Variants in SOX10 observed in about 807,000 individuals in gnomAD.
The protein encoded by SOX10 is transcription factor SOX-10.
A neutral mutation model predicts 35.0 loss-of-function variants in SOX10; 3 were observed. That is an observed-to-expected ratio of 0.09 (90% CI 0.04 to 0.22). SOX10 has a LOEUF of 0.22. Among genes scored for constraint, SOX10 ranks in the 10% least tolerant of loss-of-function variants. The pLI is 1.00. For synonymous variants in SOX10, 285 were observed against 291.0 expected (o/e 0.98, Z 0.21); for missense variants, 436 against 655.1 (o/e 0.67, Z 3.65).
Position 37,980,478 on chromosome 22 carries a change from C to T in SOX10, c.429-2343G>A, listed in dbSNP as rs1285468237. 6.6e-6 allele frequency among the ~76,000 whole-genome samples: 1 copy of T among 152,148 alleles called. No homozygotes were observed. Among genetic ancestry groups the T allele is most frequent in the Non-Finnish European group, 1.5e-5 (1 of 68,008 alleles). On this transcript the variant is annotated intron_variant, in intron 2 of 3. Transcript: ENST00000396884. The surrounding 1 kb of genome is among the most constrained non-coding windows in gnomAD (Gnocchi z 4.1). Reference sequence around the variant, plus strand: ...CTCCTAAGCTAGTTCCCAGCATTAGCCTAACCCTGACAGAAATCTAAGCCT... The same window carrying T: ...CTCCTAAGCTAGTTCCCAGCATTAGTCTAACCCTGACAGAAATCTAAGCCT...
At chr22:37,977,413 TG>T (rs1480426460) in intron 3 of SOX10, among the ~76,000 whole-genome samples, 2 of 150,504 alleles carry the variant, frequency 1.3e-5, no homozygotes, top group East Asian at 4.1e-4. Context: ...CTCCGCCTCC[TG>T]GGTTCACGCC....
At position 37,972,317 on chromosome 22, in the gene SOX10, G is replaced by A. The variant is rs189772048; in HGVS notation, c.*1178C>T. The A allele has an allele frequency of 4.6e-5, 50 of 1,098,758 alleles. No homozygotes were observed. Among genetic ancestry groups the A allele is most frequent in the East Asian group, 1.8e-4 (3 of 17,046 alleles). 68.1% of individuals were successfully genotyped at this position (1,098,758 alleles called of 1,614,324 possible). On this transcript the variant is annotated 3_prime_UTR_variant, in exon 4 of 4. Transcript: ENST00000396884. ...GGTCAGGCTCACCAAGCAGGTAACC[G>A]GAACCTTTAATTTTATTATGTGGAA...
Position 37,984,069 on chromosome 22 carries a change from T to C in SOX10, c.-84-201A>G. 1 of 258,326 alleles carries C rather than the reference T, an allele frequency of 3.9e-6. No individual in the cohort carries two copies. The highest frequency in any genetic ancestry group is 7.7e-5 in the East Asian group (1 of 13,058). The allele number at this position is 258,326 out of a possible 1,614,324, so 16.0% of individuals were successfully genotyped here. On this transcript the variant is annotated intron_variant, in intron 1 of 3. Transcript: ENST00000396884. This position sits in a 1 kb window ranked among gnomAD's most constrained non-coding sequence, Gnocchi z 4.4. ...TTCCCACCACCTGGTCCCAACCGTCTCTTGGTGTGGGTGGCTTTTTTTTTA... is the reference window on the plus strand; with the variant it reads ...TTCCCACCACCTGGTCCCAACCGTCCCTTGGTGTGGGTGGCTTTTTTTTTA...
At position 37,978,496 on chromosome 22, in the gene SOX10, C is replaced by T. The variant is rs576987630; in HGVS notation, c.429-361G>A. Reference sequence around the variant, plus strand: ...AAAACTTTCTCATCATCAAAGCTGTCTGCAAGTGGAATTGGCTACTTCAGT... The same window carrying T: ...AAAACTTTCTCATCATCAAAGCTGTTTGCAAGTGGAATTGGCTACTTCAGT... On this transcript the variant is annotated intron_variant, in intron 2 of 3. Coordinates refer to ENST00000396884, the MANE Select transcript of SOX10 (RefSeq NM_006941.4). The surrounding 1 kb of genome is among the most constrained non-coding windows in gnomAD (Gnocchi z 5.0). Among the ~76,000 whole-genome samples, 2 of 152,350 alleles carry T rather than the reference C, an allele frequency of 1.3e-5. No individual in the cohort carries two copies. Among genetic ancestry groups the T allele is most frequent in the South Asian group, 4.1e-4 (2 of 4,834 alleles).
At chr22:37,979,137 G>T (rs183501505) in intron 2 of SOX10, among the ~76,000 whole-genome samples, 47 of 151,528 alleles carry the variant, frequency 3.1e-4, no homozygotes, top group Middle Eastern at 6.8e-3. Flanking sequence ...TCACTCTGTC[G>T]CCCAGGCTGG....
In SOX10 at chr22:37,978,372, G is replaced by A. The variant is rs190019323; in HGVS notation, c.429-237C>T. 3.0e-4 allele frequency among the ~76,000 whole-genome samples: 46 copies of A among 152,378 alleles called. No individual in the cohort carries two copies. The highest frequency in any genetic ancestry group is 1.1e-3 in the African/African-American group (45 of 41,592). ...CCCCAAATCTTTCATGGGCTGGAGG[G>A]TGAGAGAGGGGTCAGCCCGCTGCTC... On this transcript the variant is annotated intron_variant, in intron 2 of 3. Transcript: ENST00000396884. This position sits in a 1 kb window ranked among gnomAD's most constrained non-coding sequence, Gnocchi z 5.0.
chr22:37,979,358 A>G (rs968877476), intron 2 of SOX10, among the ~76,000 whole-genome samples: 2 of 152,120 alleles, frequency 1.3e-5, no homozygotes, highest in African/African-American at 4.8e-5. Context: ...TTGGCCTCCC[A>G]AAGTGCTGAG....
rs546703925 is a variant in SOX10, at chr22:37,974,883, G to C, written c.698-685C>G. Among the ~76,000 whole-genome samples the C allele has an allele frequency of 1.2e-4, 18 of 152,190 alleles. No individual in the cohort carries two copies. Among genetic ancestry groups the C allele is most frequent in the African/African-American group, 3.6e-4 (15 of 41,508 alleles). On this transcript the variant is annotated intron_variant, in intron 3 of 3. Coordinates refer to ENST00000396884, the MANE Select transcript of SOX10 (RefSeq NM_006941.4). This position sits in a 1 kb window ranked among gnomAD's most constrained non-coding sequence, Gnocchi z 5.4. Reference sequence around the variant, plus strand: ...CTGTCTTCCTTGCTGAGCCTCGCTCGCCCAGGCTCCTGAGTGCTCTGTTTC... The same window carrying C: ...CTGTCTTCCTTGCTGAGCCTCGCTCCCCCAGGCTCCTGAGTGCTCTGTTTC...
In SOX10 at chr22:37,977,916, G is replaced by A. The variant is rs571227999; in HGVS notation, c.648C>T (p.His216=). The A allele has an allele frequency of 1.9e-6, 3 of 1,613,088 alleles. No homozygotes were observed. The highest frequency in any genetic ancestry group is 2.5e-6 in the Non-Finnish European group (3 of 1,179,862). ...CTGACATGGGGGAGCCCTCTCCTGG[G>A]TGCCGGTGGTCCAAGTGGGCGCTCT... ...HYKSAHLDHR[H]PGEGSPMSDG... is the part of the protein sequence containing the mutation. The change falls in exon 3 of 4, where the codon CAC becomes CAT. Residue 216 remains histidine, a synonymous_variant. Transcript: ENST00000396884.
Position 37,980,469 on chromosome 22 carries a change from C to T in SOX10, c.429-2334G>A, listed in dbSNP as rs1932363800. Among the ~76,000 whole-genome samples the T allele has an allele frequency of 6.6e-6, 1 of 152,160 alleles. No homozygotes were observed. Among genetic ancestry groups the T allele is most frequent in the South Asian group, 2.1e-4 (1 of 4,832 alleles). Reference sequence around the variant, plus strand: ...CGCTGCTACCTCCTAAGCTAGTTCCCAGCATTAGCCTAACCCTGACAGAAA... The same window carrying T: ...CGCTGCTACCTCCTAAGCTAGTTCCTAGCATTAGCCTAACCCTGACAGAAA... On this transcript the variant is annotated intron_variant, in intron 2 of 3. Transcript: ENST00000396884. The surrounding 1 kb of genome is among the most constrained non-coding windows in gnomAD (Gnocchi z 4.1).
chr22:37,974,577 T>C lies in SOX10; in HGVS notation c.698-379A>G, dbSNP rs1601879850. On this transcript the variant is annotated intron_variant, in intron 3 of 3. Transcript: ENST00000396884. This position sits in a 1 kb window ranked among gnomAD's most constrained non-coding sequence, Gnocchi z 5.4. ...CATGTTGGCCAGGGTTGTCTTGAAC[T>C]CCTGACCTCAGGTGATCCACCTGCC... 1.3e-5 allele frequency among the ~76,000 whole-genome samples: 2 copies of C among 152,214 alleles called. No individual in the cohort carries two copies. Among genetic ancestry groups the C allele is most frequent in the East Asian group, 3.9e-4 (2 of 5,178 alleles).
In SOX10 at chr22:37,974,086, G is replaced by A. The variant is rs1479720156; in HGVS notation, c.810C>T (p.His270=). The A allele has an allele frequency of 6.2e-7, 1 of 1,613,942 alleles. No individual in the cohort carries two copies. The highest frequency in any genetic ancestry group is 2.2e-5 in the East Asian group (1 of 44,874). ...CAATGTCCACGTTGCCGAAGTCGAT[G>A]TGAGGCTTCCCGCCCTCCCCCATGG... ...GRSMGEGGKP[H]IDFGNVDIGE... is the part of the protein sequence containing the mutation. Residue 270 remains histidine (H), a synonymous_variant, in exon 4 of 4, where the codon CAC becomes CAT. Transcript: ENST00000396884. This position sits in a 1 kb window ranked among gnomAD's most constrained non-coding sequence, Gnocchi z 5.4.
Position 37,973,809 on chromosome 22 carries a change from G to T in SOX10, c.1087C>A (p.Pro363Thr). Residue 363 changes from proline (P) to threonine (T), a missense_variant, in exon 4 of 4, where the codon CCC becomes ACC. By Grantham distance (38) the Pro-to-Thr change is conservative (BLOSUM62 -1). Coordinates refer to ENST00000396884, the MANE Select transcript of SOX10 (RefSeq NM_006941.4). Reference protein sequence around the residue: ...KAQVKTETAGPQGPPHYTDQP... With the variant: ...KAQVKTETAGTQGPPHYTDQP... ...TCGGTGTAGTGTGGGGGCCCCTGGG[G>T]CCCCGCGGTCTCTGTCTTCACCTGG... 6.3e-7 allele frequency: 1 copy of T among 1,598,184 alleles called. No individual in the cohort carries two copies. Among genetic ancestry groups the T allele is most frequent in the Non-Finnish European group, 8.6e-7 (1 of 1,169,572 alleles).
At chr22:37,977,615 C>T (rs753688649) in intron 3 of SOX10, among the ~76,000 whole-genome samples, 6 of 152,032 alleles carry the variant, frequency 3.9e-5, no homozygotes, top group Admixed American at 6.6e-5. Flanking sequence ...CCACCACACC[C>T]GGCGGCCTCC....
intron 2 of SOX10, among the ~76,000 whole-genome samples, chr22:37,982,306 T>C (rs1055668010): frequency 1.3e-5 from 2 of 152,162 alleles, no homozygotes; most frequent in Non-Finnish European, 1.5e-5. Context: ...GCCTGTCTCT[T>C]GGTCAGTCTA....
chr22:37,977,768 C>T (rs1932266012), intron 3 of SOX10, 99 bp downstream of exon 3: 8 of 1,332,040 alleles, frequency 6.0e-6, no homozygotes, highest in East Asian at 4.6e-5. Flanking sequence ...CACAGCCTGG[C>T]ACGCTCTCCC....
chr22:37,983,738 C>T lies in SOX10; in HGVS notation c.47G>A (p.Gly16Asp). The T allele has an allele frequency of 1.3e-6, 2 of 1,483,268 alleles. No homozygotes were observed. Among genetic ancestry groups the T allele is most frequent in the Non-Finnish European group, 1.8e-6 (2 of 1,123,418 alleles). The allele number at this position is 1,483,268 out of a possible 1,614,324, so 91.9% of individuals were successfully genotyped here. A position where few individuals can be genotyped will look rare whatever the true frequency, so the allele number is the denominator to read the frequency against. The change falls in exon 2 of 4, where the codon GGC becomes GAC. Residue 16 changes from glycine (G) to aspartate (D), a missense_variant. Physicochemically the swap from Gly to Asp is moderately conservative, Grantham distance 94. Transcript: ENST00000396884. This position sits in a 1 kb window ranked among gnomAD's most constrained non-coding sequence, Gnocchi z 9.5. ...DLSEVELSPVGSEEPRCLSPG... is the reference protein window; with the variant it reads ...DLSEVELSPVDSEEPRCLSPG... Reference sequence around the variant, plus strand: ...GGACAGGCAGCGGGGCTCCTCCGAGCCCACGGGGCTCAGCTCCACCTCCGA... The same window carrying T: ...GGACAGGCAGCGGGGCTCCTCCGAGTCCACGGGGCTCAGCTCCACCTCCGA...
intron 2 of SOX10, among the ~76,000 whole-genome samples, chr22:37,981,259 C>T (rs1247415857): frequency 6.6e-6 from 1 of 152,224 alleles, no homozygotes; most frequent in Non-Finnish European, 1.5e-5. Flanking sequence ...TCAGGAGAAG[C>T]CCCTGGAGCA....
At chr22:37,982,683 G>GAGAT (rs1164612034) in intron 2 of SOX10, among the ~76,000 whole-genome samples, 1 of 152,148 alleles carries the variant, frequency 6.6e-6, no homozygotes, top group Non-Finnish European at 1.5e-5. Flanking sequence ...AGGGAGGAAA[G>GAGAT]AGATCAGCTT....
Sources: allele counts gnomAD v4.1 joint callset (sites outside exome capture counted in the v4.1 genomes callset), GRCh38; gene constraint gnomAD v4.1.1; non-coding constraint Gnocchi (gnomAD v3.1); transcripts MANE v1.5; gene names NCBI Gene and HGNC (gene_info 2026-07-23, HGNC 2026-07-21).